PRH1: variants seen among roughly 807,000 people sequenced by gnomAD.
The protein encoded by PRH1 is salivary acidic proline-rich phosphoprotein 1/2.
Under a neutral mutation model 7.9 loss-of-function variants are expected in PRH1, and 7 were observed. The observed-to-expected ratio is 0.89, with a 90% CI of 0.50 to 1.67. PRH1 has a LOEUF of 1.67. PRH1 is among the 40% of genes most tolerant of loss of function. The pLI, the probability that PRH1 is intolerant of heterozygous loss-of-function variation, is 0.00. For synonymous variants in PRH1, 45 were observed against 80.8 expected (o/e 0.56, Z 2.38); for missense variants, 109 against 223.6 (o/e 0.49, Z 3.27).
At chr12:11,151,956 G>C (rs1391898657) in intron 1 of PRH1, among the ~76,000 whole-genome samples, 1 of 151,032 alleles carries the variant, frequency 6.6e-6, no homozygotes, top group Non-Finnish European at 1.5e-5. Context: ...TTTTCATGAT[G>C]GTAGCCAGAT....
At chr12:11,168,291 A>G (rs9634122) in intron 1 of PRH1, among the ~76,000 whole-genome samples, 210 of 15,248 alleles carry the variant, frequency 0.014, 21 homozygotes, top group South Asian at 0.035. Context: ...AAAGAAAGAA[A>G]GAAAGAAAGA....
intron 2 of PRH1, among the ~76,000 whole-genome samples, chr12:10,954,122 T>C (rs1937831536): frequency 6.6e-6 from 1 of 152,100 alleles, no homozygotes; most frequent in African/African-American, 2.4e-5. Context: ...TTGCTAATCA[T>C]AGAAAAGAAA....
At chr12:10,888,868 A>G (rs1433577691), upstream of PRH1, among the ~76,000 whole-genome samples, 1 of 152,152 alleles carries the variant, frequency 6.6e-6, no homozygotes, top group Non-Finnish European at 1.5e-5. Flanking sequence ...GTCAAAATGA[A>G]TTTATTATTT....
chr12:10,955,222 T>C (rs1366109353), intron 2 of PRH1, among the ~76,000 whole-genome samples: 1 of 151,934 alleles, frequency 6.6e-6, no homozygotes, highest in Non-Finnish European at 1.5e-5. Context: ...AAGAAAACCA[T>C]ACCAACCACA....
downstream of PRH1, among the ~76,000 whole-genome samples, chr12:11,117,330 T>C (rs1945759047): frequency 6.6e-6 from 1 of 151,836 alleles, no homozygotes; most frequent in Admixed American, 6.6e-5. Context: ...ACACATAAAA[T>C]TAAATACCTG....
chr12:10,948,460 G>A (rs140999708), intron 2 of PRH1, among the ~76,000 whole-genome samples: 27 of 152,242 alleles, frequency 1.8e-4, no homozygotes, highest in African/African-American at 5.8e-4. Flanking sequence ...CTTGTATTGC[G>A]TTATTCAGCT....
At chr12:11,029,034 C>CTA (rs1942051206) in intron 1 of PRH1, among the ~76,000 whole-genome samples, 1 of 152,274 alleles carries the variant, frequency 6.6e-6, no homozygotes, top group South Asian at 2.1e-4. Flanking sequence ...GTGCTGGTTT[C>CTA]GAGTTCCTGG....
At chr12:10,986,611 A>T in intron 1 of PRH1, 1 of 1,613,834 alleles carries the variant, frequency 6.2e-7, no homozygotes, top group South Asian at 1.1e-5. Context: ...GCATTATAAG[A>T]AGTAATTCTT....
chr12:10,959,397 C>A (rs1182772416), intron 2 of PRH1, among the ~76,000 whole-genome samples: 1 of 151,912 alleles, frequency 6.6e-6, no homozygotes, highest in Admixed American at 6.6e-5. Flanking sequence ...GCATCATCAG[C>A]ACACAGAAAA....
At chr12:11,169,631 G>GA (rs67294546) in intron 1 of PRH1, among the ~76,000 whole-genome samples, 69,167 of 151,930 alleles carry the variant, frequency 0.46, 16,527 homozygotes, top group Non-Finnish European at 0.53. Context: ...AAAAATCCAG[G>GA]ACGTAATGAC....
chr12:11,152,531 T>C (rs1947132296), intron 1 of PRH1, among the ~76,000 whole-genome samples: 1 of 152,158 alleles, frequency 6.6e-6, no homozygotes, highest in South Asian at 2.1e-4. Context: ...TTATCACTTA[T>C]CTGTACTATA....
upstream of PRH1, chr12:10,884,315 C>T: frequency 6.5e-7 from 1 of 1,527,620 alleles, no homozygotes; most frequent in Non-Finnish European, 9.1e-7. Context: ...ATTTGAGCTC[C>T]CTACCAGGTG....
intron 1 of PRH1, chr12:11,022,440 A>T: frequency 6.2e-7 from 1 of 1,614,148 alleles, no homozygotes. Context: ...GAATTTGCTC[A>T]GCTGAGGAGA....
At chr12:10,968,299 G>T (rs1382043708) in intron 2 of PRH1, among the ~76,000 whole-genome samples, 2 of 152,052 alleles carry the variant, frequency 1.3e-5, no homozygotes, top group Non-Finnish European at 2.9e-5. Context: ...AATGTATTTA[G>T]CTTGACTTGA....
intron 1 of PRH1, among the ~76,000 whole-genome samples, chr12:11,099,672 G>A (rs941635322): frequency 6.6e-6 from 1 of 152,060 alleles, no homozygotes; most frequent in African/African-American, 2.4e-5. Context: ...ACTCCAGCCT[G>A]GGCAACAGAG....
intron 2 of PRH1, among the ~76,000 whole-genome samples, chr12:10,972,935 C>CCCCCCCCCCCCA (rs1555119327): frequency 2.4e-5 from 3 of 123,068 alleles, no homozygotes; most frequent in African/African-American, 8.9e-5. Flanking sequence ...ACAACCCACC[C>CCCCCCCCCCCCA]CCCCCGCCCG....
At chr12:11,067,197 T>A (rs116090966) in intron 1 of PRH1, among the ~76,000 whole-genome samples, 2,157 of 151,972 alleles carry the variant, frequency 0.014, no homozygotes, top group South Asian at 0.025. Context: ...TTTGCCTTTC[T>A]ATGATTTTTT....
At chr12:10,990,468 T>C (rs563460819) in intron 1 of PRH1, among the ~76,000 whole-genome samples, 3 of 152,314 alleles carry the variant, frequency 2.0e-5, no homozygotes, top group African/African-American at 7.2e-5. Context: ...AGTCCAGTGT[T>C]GCTAGCATGG....
At position 10,884,153 on chromosome 12, in the gene PRH1, C is replaced by G; in HGVS notation, c.64+1G>C. 1 of 1,614,156 alleles carries G rather than the reference C, an allele frequency of 6.2e-7. No homozygotes were observed. Among genetic ancestry groups the G allele is most frequent in the Non-Finnish European group, 8.5e-7 (1 of 1,180,022 alleles). ...CAATATCTTCCCCCAATTCATCTTA[C>G]CTTCATTTAAATCCTGAGCTGAGCT... On this transcript the variant is annotated splice_donor_variant, in intron 1 of 3. Coordinates refer to ENST00000543626, the MANE Select transcript of PRH1 (RefSeq NM_001393989.1). LOFTEE classifies it high-confidence loss of function.
Sources: allele counts gnomAD v4.1 joint callset (sites outside exome capture counted in the v4.1 genomes callset), GRCh38; gene constraint gnomAD v4.1.1; transcripts MANE v1.5; gene names NCBI Gene and HGNC (gene_info 2026-07-23, HGNC 2026-07-21).